The following ZNF454 variants were observed in gnomAD, a reference collection of about 807,000 sequenced individuals.
ZNF454 encodes the protein zinc finger protein 454.
ZNF454 carries 30 observed loss-of-function variants against 48.2 expected under a neutral mutation model. The ratio of observed to expected loss-of-function variants is 0.62; its 90% confidence interval spans 0.47 to 0.84. ZNF454 has a LOEUF of 0.84. ZNF454 is among the 40% of genes least tolerant of loss of function. The pLI, the probability that ZNF454 is intolerant of heterozygous loss-of-function variation, is 0.00. For synonymous variants in ZNF454, 204 were observed against 211.4 expected, an observed-to-expected ratio of 0.97 and a Z score of 0.30; for missense variants, 510 against 623.1, an observed-to-expected ratio of 0.82 and a Z score of 1.93.
chr5:178,980,233 C>T, the ZNF454 span: 2 of 154,118 alleles, frequency 1.3e-5, no homozygotes, highest in African/African-American at 4.8e-5. The surrounding 1 kb of genome is among the most constrained non-coding windows in gnomAD (Gnocchi z 4.3). Flanking sequence ...AGAATGTATA[C>T]TGATCTTAAA....
At chr5:178,969,488 C>T (rs758610144), downstream of ZNF454, 24 of 456,794 alleles carry the variant, frequency 5.3e-5, no homozygotes, top group Non-Finnish European at 4.4e-6. Flanking sequence ...TCGACATACC[C>T]AGCTGTGACA....
At chr5:178,982,799 C>G in the ZNF454 span, 12 of 764,630 alleles carry the variant, frequency 1.6e-5, no homozygotes, top group South Asian at 1.8e-4. Flanking sequence ...AATGAACAAG[C>G]AGCCAGATAC....
chr5:178,985,159 C>A, the ZNF454 span: 1 of 415,890 alleles, frequency 2.4e-6, no homozygotes. Context: ...AGCAGGGCAG[C>A]AGAGACTCCC....
the ZNF454 span, chr5:178,986,054 G>A: frequency 4.4e-6 from 6 of 1,373,944 alleles, no homozygotes; most frequent in Non-Finnish European, 5.0e-6. Flanking sequence ...GTGCCACTGT[G>A]CCTGGCCCTT....
rs752709899 is a variant in ZNF454 at position 178,946,316 on chromosome 5, C to T, written c.34-43C>T. On this transcript the variant is annotated intron_variant, in intron 2 of 4. Transcript: ENST00000519564. The surrounding 1 kb of genome is among the most constrained non-coding windows in gnomAD (Gnocchi z 4.5). ...AGTCTCTTTTCCAGAGAACCATGTG[C>T]AGGGGTAGCCCCTGGTCAAGGAGAA... The T allele has an allele frequency of 4.4e-6, 7 of 1,606,164 alleles. No individual in the cohort carries two copies. The highest frequency in any genetic ancestry group is 5.9e-6 in the Non-Finnish European group (7 of 1,177,610).
At chr5:178,964,311 G>A (rs918262302) in intron 4 of ZNF454, among the ~76,000 whole-genome samples, 2 of 151,942 alleles carry the variant, frequency 1.3e-5, no homozygotes, top group Non-Finnish European at 2.9e-5. Context: ...TAGTAGAGAC[G>A]GGGTTTCACC....
At position 178,966,016 on chromosome 5, in the gene ZNF454, T is replaced by A; in HGVS notation, c.*43T>A. On this transcript the variant is annotated 3_prime_UTR_variant, in exon 5 of 5. Coordinates refer to ENST00000519564, the MANE Select transcript of ZNF454 (RefSeq NM_001178089.3). ...TGGAAGACCTTTGAGACTGAGTAGA[T>A]GAATTATTGAATGTGAGATAATCCG... 1 of 1,389,592 alleles carries A rather than the reference T, an allele frequency of 7.2e-7. No homozygotes were observed. The highest frequency in any genetic ancestry group is 9.8e-7 in the Non-Finnish European group (1 of 1,019,654). 86.1% of individuals were successfully genotyped at this position (1,389,592 alleles called of 1,614,324 possible).
In ZNF454 at chr5:178,946,311, A is replaced by G. The variant is rs200671432; in HGVS notation, c.34-48A>G. ...CTGCCAGTCTCTTTTCCAGAGAACC[A>G]TGTGCAGGGGTAGCCCCTGGTCAAG... On this transcript the variant is annotated intron_variant, in intron 2 of 4. Transcript: ENST00000519564. This position sits in a 1 kb window ranked among gnomAD's most constrained non-coding sequence, Gnocchi z 4.5. The G allele has an allele frequency of 4.4e-5, 70 of 1,598,798 alleles. No homozygotes were observed. In the Admixed American group the frequency reaches 7.0e-4, roughly 16 times the overall value.
chr5:178,967,898 C>A (rs1183490419), downstream of ZNF454, among the ~76,000 whole-genome samples: 1 of 151,816 alleles, frequency 6.6e-6, no homozygotes, highest in Non-Finnish European at 1.5e-5. Flanking sequence ...CACTACCATG[C>A]CCAGCTAATT....
chr5:178,975,078 C>T, the ZNF454 span, among the ~76,000 whole-genome samples: 1 of 152,170 alleles, frequency 6.6e-6, no homozygotes, highest in Non-Finnish European at 1.5e-5. Flanking sequence ...GAGGCCATGG[C>T]AGGCCGATCA....
chr5:178,944,840 G>T lies in ZNF454; in HGVS notation c.34-1519G>T, dbSNP rs1198740315. Among the ~76,000 whole-genome samples the T allele has an allele frequency of 6.6e-6, 1 of 152,182 alleles. No individual in the cohort carries two copies. Among genetic ancestry groups the T allele is most frequent in the Non-Finnish European group, 1.5e-5 (1 of 68,030 alleles). The stretch of plus-strand genomic sequence containing the variant: ...AAGACAAGAGCTGTGATAGCTACTG[G>T]ATTTTACATGCTAGGTTAGGTTTCG... On this transcript the variant is annotated intron_variant, in intron 2 of 4. Transcript: ENST00000519564. This position sits in a 1 kb window ranked among gnomAD's most constrained non-coding sequence, Gnocchi z 4.1.
At position 178,942,842 on chromosome 5, in the gene ZNF454, C is replaced by T; in HGVS notation, c.33+18C>T. On this transcript the variant is annotated intron_variant, in intron 2 of 4. Transcript: ENST00000519564. ...TGGTCCAGGTGAGTGGGGGTTTCTT[C>T]CCCCTAAATTGCTTTCTGGATTTGA... The T allele has an allele frequency of 1.2e-6, 2 of 1,609,100 alleles. No homozygotes were observed. Among genetic ancestry groups the T allele is most frequent in the Non-Finnish European group, 1.7e-6 (2 of 1,177,670 alleles).
In ZNF454 at chr5:178,942,839, C is replaced by T. The variant is rs1422585894; in HGVS notation, c.33+15C>T. 47 of 1,610,276 alleles carry T rather than the reference C, an allele frequency of 2.9e-5. No homozygotes were observed. Among genetic ancestry groups the T allele is most frequent in the Non-Finnish European group, 3.8e-5 (45 of 1,178,408 alleles). ...CCATGGTCCAGGTGAGTGGGGGTTT[C>T]TTCCCCCTAAATTGCTTTCTGGATT... On this transcript the variant is annotated intron_variant, in intron 2 of 4. Transcript: ENST00000519564.
At chr5:178,963,061 A>G (rs1159316926) in intron 4 of ZNF454, among the ~76,000 whole-genome samples, 3 of 151,776 alleles carry the variant, frequency 2.0e-5, no homozygotes, top group African/African-American at 4.8e-5. Context: ...CTTAACTTTA[A>G]TCTTTTGCCC....
chr5:178,989,305 G>A, the ZNF454 span: 1 of 1,612,866 alleles, frequency 6.2e-7, no homozygotes. Context: ...GGGTACCTGA[G>A]CTGGTCAGTT....
chr5:178,950,640 T>A (rs1759519466), intron 4 of ZNF454, among the ~76,000 whole-genome samples: 1 of 152,228 alleles, frequency 6.6e-6, no homozygotes, highest in Non-Finnish European at 1.5e-5. Context: ...CCTTTTATAA[T>A]TTCTTCCTTA....
At chr5:178,985,904 G>C in the ZNF454 span, 11 of 580,256 alleles carry the variant, frequency 1.9e-5, no homozygotes, top group Non-Finnish European at 3.4e-5. Context: ...TAGGACTACA[G>C]GCACGCACCA....
At chr5:178,950,218 C>T (rs935790918) in intron 4 of ZNF454, among the ~76,000 whole-genome samples, 4 of 152,180 alleles carry the variant, frequency 2.6e-5, no homozygotes, top group African/African-American at 7.2e-5. Flanking sequence ...TGGTAAATAG[C>T]TTTCCTTCTT....
chr5:178,976,609 C>A, the ZNF454 span, among the ~76,000 whole-genome samples: 1 of 152,148 alleles, frequency 6.6e-6, no homozygotes, highest in Non-Finnish European at 1.5e-5. Context: ...GCAATTTGGG[C>A]ACCTCTGCAG....
Sources: allele counts gnomAD v4.1 joint callset (sites outside exome capture counted in the v4.1 genomes callset), GRCh38; gene constraint gnomAD v4.1.1; non-coding constraint Gnocchi (gnomAD v3.1); transcripts MANE v1.5; gene names NCBI Gene and HGNC (gene_info 2026-07-23, HGNC 2026-07-21).